The following BEGAIN variants were observed in gnomAD, a reference collection of about 807,000 sequenced individuals.
BEGAIN encodes brain enriched guanylate kinase associated.
In BEGAIN, 19 loss-of-function variants were observed where a neutral mutation model predicts 35.8. That is an observed-to-expected ratio of 0.53 (90% confidence interval 0.37 to 0.78). The LOEUF is 0.78. BEGAIN is among the 30% of genes least tolerant of loss of function. The probability of loss-of-function intolerance (pLI) is 0.00; values close to 1 mark genes in which losing one functional copy is unlikely to be tolerated. For missense variants in BEGAIN, 795 were observed against 853.6 expected (o/e 0.93, Z 0.85); for synonymous variants, 462 against 388.6 (o/e 1.19, Z -2.22).
At chr14:100,548,907 C>T (rs77640304) in intron 2 of BEGAIN, 1 of 152,166 alleles carries the variant, frequency 6.6e-6, no homozygotes, top group Non-Finnish European at 1.5e-5. Flanking sequence ...TTCCACCAGC[C>T]CTTAAATACT....
intron 2 of BEGAIN, among the ~76,000 whole-genome samples, chr14:100,550,687 G>C (rs915521868): frequency 2.6e-5 from 4 of 152,158 alleles, no homozygotes; most frequent in Non-Finnish European, 4.4e-5. Context: ...GCAGGGGTTG[G>C]GGATGTGGGT....
At chr14:100,544,845 G>C (rs2032156566) in intron 4 of BEGAIN, among the ~76,000 whole-genome samples, 155 bp downstream of exon 4, 1 of 152,194 alleles carries the variant, frequency 6.6e-6, no homozygotes, top group South Asian at 2.1e-4. Context: ...CTTAGCCTGA[G>C]AGCACACACC....
rs553688771 is a variant in BEGAIN at position 100,577,664 on chromosome 14, G to A, written c.42+9585C>T. 1.4e-3 allele frequency: 553 copies of A among 399,128 alleles called. 1 individual carries two copies. The highest frequency in any genetic ancestry group is 2.0e-3 in the Non-Finnish European group (444 of 226,128). 24.7% of individuals were successfully genotyped at this position (399,128 alleles called of 1,614,324 possible). A position where few individuals can be genotyped will look rare whatever the true frequency, so the allele number is the denominator to read the frequency against. On this transcript the variant is annotated intron_variant, in intron 1 of 6. Transcript: ENST00000554140. ...TCCCGCCAGCGGCCCAGGCGTGCGA[G>A]GGAGCCAGTGACAGCCCGGCTGCCT...
intron 5 of BEGAIN, among the ~76,000 whole-genome samples, chr14:100,541,846 C>T (rs1385766297): frequency 6.6e-6 from 1 of 152,232 alleles, no homozygotes; most frequent in Non-Finnish European, 1.5e-5. Context: ...CAGCTGCTGG[C>T]TCGGGGAGGA....
intron 1 of BEGAIN, among the ~76,000 whole-genome samples, chr14:100,579,103 C>T (rs1341942252): frequency 1.3e-5 from 2 of 152,308 alleles, no homozygotes; most frequent in Middle Eastern, 3.4e-3. Flanking sequence ...TCAGGTGATC[C>T]GCCTGCCTTG....
At chr14:100,562,664 C>G (rs115378712) in intron 2 of BEGAIN, among the ~76,000 whole-genome samples, 1,891 of 152,086 alleles carry the variant, frequency 0.012, 48 homozygotes, top group African/African-American at 0.044. Context: ...CTGTTTCCTG[C>G]AGGCCACCGG....
rs2035130785 is a variant in BEGAIN, at chr14:100,573,331, G to A, written c.43-5392C>T. ...GCCAGAGGAGGGGCGGGTGAGTCCT[G>A]GGAGGTCGCTAGAGGAGCAGCCCTG... On this transcript the variant is annotated intron_variant, in intron 1 of 6. Coordinates refer to ENST00000554140, the MANE Select transcript of BEGAIN (RefSeq NM_001385089.1). The surrounding 1 kb of genome is among the most constrained non-coding windows in gnomAD (Gnocchi z 4.2). Among the ~76,000 whole-genome samples the A allele has an allele frequency of 6.6e-6, 1 of 151,998 alleles. No homozygotes were observed. The highest frequency in any genetic ancestry group is 1.5e-5 in the Non-Finnish European group (1 of 67,972).
chr14:100,546,658 G>A lies in BEGAIN; in HGVS notation c.76C>T (p.Leu26=). 1 of 1,565,312 alleles carries A rather than the reference G, an allele frequency of 6.4e-7. No individual in the cohort carries two copies. The highest frequency in any genetic ancestry group is 1.4e-5 in the African/African-American group (1 of 71,230). ...SAADMEKLSA[L]QEQKGELRKR... ...CGCAGCTCGCCCTTCTGCTCCTGCA[G>A]CGCGCTGCAACGACATGGCGGCGGC... Residue 26 remains leucine, a synonymous_variant, in exon 3 of 7, where the codon CTG becomes TTG. Coordinates refer to ENST00000554140, the MANE Select transcript of BEGAIN (RefSeq NM_001385089.1).
intron 2 of BEGAIN, among the ~76,000 whole-genome samples, chr14:100,553,468 C>T (rs1411207259): frequency 1.3e-5 from 2 of 152,138 alleles, no homozygotes; most frequent in Non-Finnish European, 2.9e-5. Flanking sequence ...CATTTTGCCT[C>T]AAGCCAGATA....
At position 100,563,708 on chromosome 14, in the gene BEGAIN, A is replaced by T. The variant is rs1054627637; in HGVS notation, c.71+4203T>A. ...ACCCTGTGCCCCGGAGGTTCCACTGAGGGTGCACACCCAGAATCGCAGCCC... is the reference window on the plus strand; with the variant it reads ...ACCCTGTGCCCCGGAGGTTCCACTGTGGGTGCACACCCAGAATCGCAGCCC... On this transcript the variant is annotated intron_variant, in intron 2 of 6. Transcript: ENST00000554140. This position sits in a 1 kb window ranked among gnomAD's most constrained non-coding sequence, Gnocchi z 4.2. 1.3e-5 allele frequency among the ~76,000 whole-genome samples: 2 copies of T among 152,204 alleles called. No homozygotes were observed. Among genetic ancestry groups the T allele is most frequent in the African/African-American group, 4.8e-5 (2 of 41,442 alleles).
At chr14:100,582,367 T>G (rs1443164098) in intron 1 of BEGAIN, among the ~76,000 whole-genome samples, 4 of 152,230 alleles carry the variant, frequency 2.6e-5, no homozygotes, top group African/African-American at 9.6e-5. Flanking sequence ...ATGGTCTTGA[T>G]CTCCTGACCT....
chr14:100,577,747 C>T (rs1566982124), intron 1 of BEGAIN: 1 of 399,148 alleles, frequency 2.5e-6, no homozygotes, highest in Non-Finnish European at 4.4e-6. Context: ...CATCTCCTGG[C>T]TGGACCGAGC....
chr14:100,567,325 C>A lies in BEGAIN; in HGVS notation c.71+586G>T, dbSNP rs1429312845. 6.6e-6 allele frequency among the ~76,000 whole-genome samples: 1 copy of A among 152,208 alleles called. No individual in the cohort carries two copies. The highest frequency in any genetic ancestry group is 1.9e-4 in the East Asian group (1 of 5,188). On this transcript the variant is annotated intron_variant, in intron 2 of 6. Transcript: ENST00000554140. This position sits in a 1 kb window ranked among gnomAD's most constrained non-coding sequence, Gnocchi z 5.1. The stretch of plus-strand genomic sequence containing the variant: ...TTAAAGTTTGGCACCGGGAGGGAGG[C>A]CGCGGGGGACACTCCCCAGAAGCTG...
chr14:100,546,869 G>T, intron 2 of BEGAIN: 2 of 457,488 alleles, frequency 4.4e-6, no homozygotes. Context: ...CCAGAGTCAG[G>T]GACTCTGACC....
intron 1 of BEGAIN, among the ~76,000 whole-genome samples, chr14:100,570,472 C>T (rs1434329406): frequency 6.6e-6 from 1 of 152,216 alleles, no homozygotes; most frequent in East Asian, 1.9e-4. Flanking sequence ...CACTGCCCTC[C>T]CCCTTGGAGG....
chr14:100,545,924 T>G (rs2032306390), intron 3 of BEGAIN: 1 of 152,310 alleles, frequency 6.6e-6, no homozygotes, highest in African/African-American at 2.4e-5. Flanking sequence ...GCTTCTTGCA[T>G]TTTCTGTTTA....
At chr14:100,582,127 AT>A (rs200094375) in intron 1 of BEGAIN, among the ~76,000 whole-genome samples, 2 of 151,926 alleles carry the variant, frequency 1.3e-5, no homozygotes, top group East Asian at 1.9e-4. Context: ...ACAGAAGTTT[AT>A]TTTTTTTCCT....
intron 2 of BEGAIN, among the ~76,000 whole-genome samples, chr14:100,553,614 G>A (rs758425590): frequency 1.3e-5 from 2 of 151,894 alleles, no homozygotes; most frequent in Admixed American, 6.6e-5. Context: ...ACATGTCCTC[G>A]TCTCCCTTCT....
chr14:100,557,336 C>A (rs1251431032), intron 2 of BEGAIN, among the ~76,000 whole-genome samples: 1 of 152,250 alleles, frequency 6.6e-6, no homozygotes, highest in Non-Finnish European at 1.5e-5. Flanking sequence ...CAGACGCACA[C>A]AAGCCATGCT....
Sources: allele counts gnomAD v4.1 joint callset (sites outside exome capture counted in the v4.1 genomes callset), GRCh38; gene constraint gnomAD v4.1.1; non-coding constraint Gnocchi (gnomAD v3.1); transcripts MANE v1.5; gene names NCBI Gene and HGNC (gene_info 2026-07-23, HGNC 2026-07-21).